Variants in PMM2 observed in about 807,000 individuals in gnomAD.
PMM2 encodes phosphomannomutase 2, also known as mannose-6-phosphate isomerase.
Under a neutral mutation model 33.2 loss-of-function variants are expected in PMM2, and 35 were observed. The observed-to-expected ratio is 1.06, with a 90% CI of 0.81 to 1.40. PMM2 has a LOEUF of 1.40. PMM2 is among the 40% of genes most tolerant of loss of function. The pLI is 0.00. For missense variants in PMM2, 386 were observed against 306.0 expected (o/e 1.26, Z -1.95); for synonymous variants, 153 against 114.7 (o/e 1.33, Z -2.13).
chr16:8,833,938 A>G (rs1369003244), intron 7 of PMM2, among the ~76,000 whole-genome samples: 2 of 147,936 alleles, frequency 1.4e-5, no homozygotes, highest in Non-Finnish European at 2.9e-5. Flanking sequence ...TTGGAGAAAC[A>G]GTGTAAACCG....
intron 7 of PMM2, among the ~76,000 whole-genome samples, chr16:8,822,814 G>T (rs554435525): frequency 6.6e-6 from 1 of 152,292 alleles, no homozygotes; most frequent in Non-Finnish European, 1.5e-5. Context: ...GGGGTTCCTG[G>T]TTAGGGTTTG....
At chr16:8,827,818 AATATATATT>A (rs2060782372) in intron 7 of PMM2, among the ~76,000 whole-genome samples, 1 of 105,124 alleles carries the variant, frequency 9.5e-6, no homozygotes, top group Non-Finnish European at 1.9e-5. Flanking sequence ...ATATTTATAT[AATATATATT>A]ATATATATTG....
intron 2 of PMM2, chr16:8,802,184 G>A (rs905398210): frequency 2.1e-6 from 1 of 477,554 alleles, no homozygotes. Flanking sequence ...CTCTCTGCCT[G>A]GAATACTTCT....
chr16:8,802,229 T>G (rs1362907963), intron 2 of PMM2: 1 of 458,106 alleles, frequency 2.2e-6, no homozygotes, highest in Non-Finnish European at 4.4e-6. Context: ...CTAGCCCCAG[T>G]CAGACCGGTC....
At chr16:8,828,465 G>C (rs10744975) in intron 7 of PMM2, among the ~76,000 whole-genome samples, 136,542 of 152,214 alleles carry the variant, frequency 0.9, 61,609 homozygotes, top group East Asian at 0.97. Flanking sequence ...TGTTACACTG[G>C]TCTTCCTGGG....
At chr16:8,818,669 C>T (rs2060720939) in intron 7 of PMM2, among the ~76,000 whole-genome samples, 1 of 151,866 alleles carries the variant, frequency 6.6e-6, no homozygotes, top group African/African-American at 2.4e-5. Context: ...TCTGGTGTTA[C>T]ATAAAGGGTG....
At chr16:8,816,675 A>T (rs2060710408) in intron 7 of PMM2, among the ~76,000 whole-genome samples, 1 of 152,034 alleles carries the variant, frequency 6.6e-6, no homozygotes, top group Non-Finnish European at 1.5e-5. Flanking sequence ...CGGGAGGTGG[A>T]GGTTGCAGTG....
chr16:8,841,804 G>A (rs1330132833), intron 7 of PMM2, among the ~76,000 whole-genome samples: 6 of 131,346 alleles, frequency 4.6e-5, no homozygotes, highest in African/African-American at 8.3e-5. Flanking sequence ...AATGTGGGAG[G>A]CCAGATTGAG....
At chr16:8,832,982 T>TG (rs1281057044) in intron 7 of PMM2, 2 of 496,228 alleles carry the variant, frequency 4.0e-6, no homozygotes, top group Non-Finnish European at 4.9e-6. Flanking sequence ...GCAGCTGTGA[T>TG]GTGGTTTTGG....
chr16:8,832,559 C>T (rs1384597500), intron 7 of PMM2: 9 of 985,314 alleles, frequency 9.1e-6, no homozygotes, highest in African/African-American at 1.7e-5. Context: ...AGGGGACTAG[C>T]ATAAACCCTT....
At chr16:8,837,964 G>C (rs569721615) in intron 7 of PMM2, among the ~76,000 whole-genome samples, 5 of 152,260 alleles carry the variant, frequency 3.3e-5, no homozygotes, top group African/African-American at 1.2e-4. Flanking sequence ...GGGAGAGATT[G>C]AAGTGTTTCA....
intron 2 of PMM2, among the ~76,000 whole-genome samples, chr16:8,802,564 C>G (rs928681388): frequency 6.6e-6 from 1 of 152,196 alleles, no homozygotes; most frequent in Non-Finnish European, 1.5e-5. Flanking sequence ...CGCGGTGGCT[C>G]ACGCTTATAA....
intron 4 of PMM2, 173 bp downstream of exon 4, chr16:8,806,580 G>C: frequency 1.6e-6 from 1 of 637,230 alleles, no homozygotes; most frequent in Non-Finnish European, 2.8e-6. Flanking sequence ...CCTGAGAGCC[G>C]AGCTTGGAAA....
At chr16:8,846,933 G>A (rs1307447282) in intron 7 of PMM2, among the ~76,000 whole-genome samples, 2 of 152,120 alleles carry the variant, frequency 1.3e-5, no homozygotes, top group Middle Eastern at 3.4e-3. Flanking sequence ...GTGCGATCTC[G>A]GCTTACTGCA....
intron 7 of PMM2, among the ~76,000 whole-genome samples, chr16:8,834,139 A>G (rs1049680235): frequency 6.6e-6 from 1 of 152,222 alleles, no homozygotes; most frequent in African/African-American, 2.4e-5. Context: ...ACCTTGTAGC[A>G]TTCTGAGGAC....
At position 8,827,212 on chromosome 16, in the gene PMM2, C is replaced by T. The variant is rs114418691; in HGVS notation, c.639+14106C>T. Among the ~76,000 whole-genome samples the T allele has an allele frequency of 7.2e-3, 1,099 of 151,726 alleles. 26 individuals are homozygous for T. The highest frequency in any genetic ancestry group is 0.025 in the African/African-American group (1,044 of 41,380). On this transcript the variant is annotated intron_variant, in intron 7 of 7. Transcript: ENST00000268261. Reference sequence around the variant, plus strand: ...CCTTCTCTCTTTTTCCCAAGGAGTCCCCAGCTGTCAGAAAGTACCTTAGGT... The same window carrying T: ...CCTTCTCTCTTTTTCCCAAGGAGTCTCCAGCTGTCAGAAAGTACCTTAGGT...
chr16:8,812,357 G>T (rs1193387566), intron 6 of PMM2, among the ~76,000 whole-genome samples: 2 of 152,104 alleles, frequency 1.3e-5, no homozygotes, highest in Non-Finnish European at 2.9e-5. Context: ...GATTTCTCTT[G>T]TCAGTGCTAA....
Position 8,849,056 on chromosome 16 carries a change from A to C in PMM2, c.*1231A>C, listed in dbSNP as rs1480100237. On this transcript the variant is annotated 3_prime_UTR_variant, in exon 8 of 8. Coordinates refer to ENST00000268261, the MANE Select transcript of PMM2 (RefSeq NM_000303.3). ...CCTCCACTGGGCACTTGCCGACCTG[A>C]GTCTGGGGCCAGGGGAGCCCAGGCT... is the stretch of plus-strand genomic sequence containing the variant. 2 of 152,230 alleles carry C rather than the reference A, an allele frequency of 1.3e-5. No homozygotes were observed. Among genetic ancestry groups the C allele is most frequent in the African/African-American group, 4.8e-5 (2 of 41,426 alleles). 9.4% of individuals were successfully genotyped at this position (152,230 alleles called of 1,614,324 possible).
rs113632740 is a variant in PMM2 at position 8,842,925 on chromosome 16, A to G, written c.640-4799A>G. 2.5e-3 allele frequency among the ~76,000 whole-genome samples: 374 copies of G among 152,210 alleles called. 2 individuals carry two copies. The highest frequency in any genetic ancestry group is 8.5e-3 in the African/African-American group (353 of 41,522). On this transcript the variant is annotated intron_variant, in intron 7 of 7. Transcript: ENST00000268261. ...GTCAGGGAAGGAGTAGAAATGTCCC[A>G]TATTTGTGGGTTAAGGTGGGGGGAT... is the stretch of plus-strand genomic sequence containing the variant.
Sources: allele counts gnomAD v4.1 joint callset (sites outside exome capture counted in the v4.1 genomes callset), GRCh38; gene constraint gnomAD v4.1.1; transcripts MANE v1.5; gene names NCBI Gene and HGNC (gene_info 2026-07-23, HGNC 2026-07-21).